DLC1: variants seen among roughly 807,000 people sequenced by gnomAD.
The protein encoded by DLC1 is DLC1 Rho GTPase activating protein, also known as rho GTPase-activating protein 7.
DLC1 carries 54 observed loss-of-function variants against 140.3 expected under a neutral mutation model. That is an observed-to-expected ratio of 0.38 (90% CI 0.31 to 0.48). DLC1 has a LOEUF of 0.48. DLC1 is among the 20% of genes least tolerant of loss of function. The pLI is 0.96. For missense variants in DLC1, 2,536 were observed against 1,907.0 expected, an observed-to-expected ratio of 1.33 and a Z score of -6.14; for synonymous variants, 986 against 728.1, an observed-to-expected ratio of 1.35 and a Z score of -5.70.
chr8:13,527,495 T>C (rs1802953358), intron 1 of DLC1, among the ~76,000 whole-genome samples: 1 of 152,158 alleles, frequency 6.6e-6, no homozygotes, highest in African/African-American at 2.4e-5. Context: ...TTTGCGGATA[T>C]TAAGGAAAAC....
chr8:13,428,132 G>T lies in DLC1; in HGVS notation c.1024-26513C>A, dbSNP rs182585048. On this transcript the variant is annotated intron_variant, in intron 2 of 17. Coordinates refer to ENST00000276297, the MANE Select transcript of DLC1 (RefSeq NM_182643.3). ...AGTCTTTCCAGGCTTTTGTATGGGC[G>T]TGTGTTGTACTAGTGTAAAAAGATA... Among the ~76,000 whole-genome samples the T allele has an allele frequency of 9.7e-4, 147 of 152,234 alleles. 1 individual carries two copies. Among genetic ancestry groups the T allele is most frequent in the African/African-American group, 3.5e-3 (144 of 41,534 alleles).
upstream of DLC1, among the ~76,000 whole-genome samples, chr8:13,517,229 A>G (rs568734326): frequency 2.0e-5 from 3 of 152,304 alleles, no homozygotes; most frequent in South Asian, 4.1e-4. Context: ...TGGTTACTCA[A>G]TATTATATCA....
chr8:13,392,503 A>G (rs754041255), intron 4 of DLC1, among the ~76,000 whole-genome samples: 1 of 152,168 alleles, frequency 6.6e-6, no homozygotes, highest in Non-Finnish European at 1.5e-5. Flanking sequence ...TCAGAGTATT[A>G]TCTTTTGAGT....
chr8:13,121,786 C>T (rs561692298), intron 5 of DLC1, among the ~76,000 whole-genome samples: 222 of 152,162 alleles, frequency 1.5e-3, no homozygotes, highest in African/African-American at 4.8e-3. Flanking sequence ...CTCCTGGGCT[C>T]AGGCAATCCT....
rs187195789 is a variant in DLC1 at position 13,526,785 on chromosome 8, C to T, written c.-125-26589G>A. Reference sequence around the variant, plus strand: ...CAGGGCCTGCCAGGGGGTTGGGGGACAGGGGAGGGATAGCATTAGGAGATA... The same window carrying T: ...CAGGGCCTGCCAGGGGGTTGGGGGATAGGGGAGGGATAGCATTAGGAGATA... On this transcript the variant is annotated intron_variant, in intron 1 of 1. Coordinates refer to the DLC1 transcript ENST00000631382. 5.2e-3 allele frequency among the ~76,000 whole-genome samples: 776 copies of T among 150,086 alleles called. 9 individuals carry two copies. The highest frequency in any genetic ancestry group is 0.017 in the African/African-American group (690 of 40,872).
intron 5 of DLC1, among the ~76,000 whole-genome samples, chr8:13,296,731 C>G (rs1282797945): frequency 2.6e-5 from 4 of 151,780 alleles, no homozygotes; most frequent in African/African-American, 7.3e-5. Flanking sequence ...TCAAGGAGCT[C>G]TTAGCCTGAT....
chr8:13,107,116 T>C (rs533692504), intron 7 of DLC1, among the ~76,000 whole-genome samples: 2 of 152,332 alleles, frequency 1.3e-5, no homozygotes, highest in Admixed American at 1.3e-4. Context: ...ATGAACCCCT[T>C]GCAGTGTGAA....
chr8:13,113,431 G>A (rs971170711), intron 6 of DLC1, among the ~76,000 whole-genome samples: 1 of 152,166 alleles, frequency 6.6e-6, no homozygotes, highest in African/African-American at 2.4e-5. Context: ...GGAACATGAA[G>A]GGACCCCAAA....
intron 5 of DLC1, among the ~76,000 whole-genome samples, chr8:13,265,162 T>C (rs558918441): frequency 6.6e-6 from 1 of 152,336 alleles, no homozygotes; most frequent in South Asian, 2.1e-4. Context: ...AAACATAGAC[T>C]TTATTTTGAG....
At chr8:13,439,955 C>A (rs935795996) in intron 2 of DLC1, among the ~76,000 whole-genome samples, 1 of 152,076 alleles carries the variant, frequency 6.6e-6, no homozygotes, top group Non-Finnish European at 1.5e-5. Context: ...ATCTTCCCAG[C>A]AGAAGAATGA....
intron 5 of DLC1, among the ~76,000 whole-genome samples, chr8:13,135,813 C>G (rs1822527976): frequency 6.6e-6 from 1 of 152,124 alleles, no homozygotes; most frequent in South Asian, 2.1e-4. Context: ...TTATTCAAGC[C>G]CCATTCCTCT....
chr8:13,482,969 T>C (rs112533733), intron 2 of DLC1, among the ~76,000 whole-genome samples: 31 of 152,340 alleles, frequency 2.0e-4, no homozygotes, highest in African/African-American at 6.3e-4. Context: ...CACTACAAAC[T>C]TAACTGTTCT....
intron 2 of DLC1, among the ~76,000 whole-genome samples, chr8:13,446,706 C>G (rs753334401): frequency 6.6e-5 from 10 of 151,908 alleles, no homozygotes; most frequent in Admixed American, 3.9e-4. Flanking sequence ...TTTCGGAGGC[C>G]AAGGTGGGCA....
At chr8:13,431,972 A>G (rs1014772579) in intron 2 of DLC1, among the ~76,000 whole-genome samples, 1 of 152,212 alleles carries the variant, frequency 6.6e-6, no homozygotes, top group Non-Finnish European at 1.5e-5. Context: ...CATATGTGAC[A>G]TTTTATCACA....
At chr8:13,151,295 C>T (rs1823790348) in intron 5 of DLC1, among the ~76,000 whole-genome samples, 1 of 152,178 alleles carries the variant, frequency 6.6e-6, no homozygotes, top group Non-Finnish European at 1.5e-5. Context: ...AATGATAATA[C>T]ACATTCAGTA....
chr8:13,338,078 A>T (rs1203686217), intron 4 of DLC1, among the ~76,000 whole-genome samples: 1 of 152,170 alleles, frequency 6.6e-6, no homozygotes, highest in South Asian at 2.1e-4. Flanking sequence ...TTGCCATAAC[A>T]TTGCTTTGCA....
intron 1 of DLC1, among the ~76,000 whole-genome samples, chr8:13,554,210 A>G (rs750075009): frequency 6.6e-6 from 1 of 151,866 alleles, no homozygotes; most frequent in Non-Finnish European, 1.5e-5. Context: ...GGAATTACAG[A>G]GGCCCGCCAA....
intron 5 of DLC1, among the ~76,000 whole-genome samples, chr8:13,262,076 T>TG (rs1348701281): frequency 2.6e-5 from 4 of 152,150 alleles, no homozygotes; most frequent in Non-Finnish European, 4.4e-5. Context: ...ACCCCTCTCT[T>TG]GGGGTAAGAG....
At chr8:13,412,800 T>C (rs1008251644) in intron 2 of DLC1, among the ~76,000 whole-genome samples, 4 of 151,728 alleles carry the variant, frequency 2.6e-5, no homozygotes, top group South Asian at 2.1e-4. Context: ...GGTGTGGTGG[T>C]GGGAGCCTGT....
Sources: allele counts gnomAD v4.1 joint callset (sites outside exome capture counted in the v4.1 genomes callset), GRCh38; gene constraint gnomAD v4.1.1; transcripts MANE v1.5; gene names NCBI Gene and HGNC (gene_info 2026-07-23, HGNC 2026-07-21).